The following SCAPER variants were observed in gnomAD, a reference collection of about 807,000 sequenced individuals.
SCAPER encodes S phase cyclin A-associated protein in the endoplasmic reticulum.
SCAPER carries 98 observed loss-of-function variants against 182.2 expected under a neutral mutation model. The ratio of observed to expected loss-of-function variants is 0.54; its 90% CI spans 0.46 to 0.64. The LOEUF (loss-of-function observed/expected upper bound fraction) is 0.64. Among genes scored for constraint, SCAPER ranks in the 30% least tolerant of loss-of-function variants. The pLI is 0.00. For missense variants in SCAPER, 1,432 were observed against 1,690.0 expected (o/e 0.85, Z 2.68); for synonymous variants, 605 against 564.6 (o/e 1.07, Z -1.01).
intron 23 of SCAPER, among the ~76,000 whole-genome samples, chr15:76,548,193 A>C (rs1036639756): frequency 2.6e-5 from 4 of 152,198 alleles, no homozygotes; most frequent in Non-Finnish European, 4.4e-5. Flanking sequence ...GCTGAAGCAA[A>C]TTAACCTGAT....
rs2049396267 is a variant in SCAPER at position 76,595,116 on chromosome 15, TA to T, written c.2712-20833del. ...AGCAAAGACAAAAATAGGCACAAAA[TA>T]AAGGGATGGAGGAAGATCCATGAAG... On this transcript the variant is annotated intron_variant, in intron 22 of 31. Coordinates refer to ENST00000563290, the MANE Select transcript of SCAPER (RefSeq NM_020843.4). 1.7e-5 allele frequency among the ~76,000 whole-genome samples: 2 copies of T among 119,516 alleles called. 1 individual carries two copies. The highest frequency in any genetic ancestry group is 4.1e-5 in the Non-Finnish European group (2 of 49,300). 78.4% of individuals were successfully genotyped at this position (119,516 alleles called of 152,430 possible).
intron 2 of SCAPER, among the ~76,000 whole-genome samples, chr15:76,880,099 T>A (rs1298845810): frequency 1.3e-5 from 2 of 152,214 alleles, no homozygotes; most frequent in African/African-American, 4.8e-5. Context: ...AAGCACAAAT[T>A]CTTTTTGGTT....
chr15:76,377,360 T>C (rs1189438466), intron 28 of SCAPER, among the ~76,000 whole-genome samples: 1 of 150,870 alleles, frequency 6.6e-6, no homozygotes, highest in Non-Finnish European at 1.5e-5. Flanking sequence ...TTTGCTCCTT[T>C]AAATCAAGCA....
At chr15:76,388,925 C>T (rs2043467260) in intron 27 of SCAPER, among the ~76,000 whole-genome samples, 1 of 151,186 alleles carries the variant, frequency 6.6e-6, no homozygotes, top group Admixed American at 6.6e-5. Context: ...CACGACACTG[C>T]ACTCTAGCCT....
intron 29 of SCAPER, among the ~76,000 whole-genome samples, chr15:76,359,264 G>A (rs2041229710): frequency 6.6e-6 from 1 of 152,072 alleles, no homozygotes; most frequent in African/African-American, 2.4e-5. Flanking sequence ...ACAGGGTCTG[G>A]CAGAGGCAGG....
chr15:76,633,282 TG>T (rs1466403884), intron 21 of SCAPER, among the ~76,000 whole-genome samples: 1 of 152,188 alleles, frequency 6.6e-6, no homozygotes, highest in African/African-American at 2.4e-5. Context: ...ACAACAAAGA[TG>T]GCAGCCTGCT....
Position 76,423,901 on chromosome 15 carries a change from T to C in SCAPER, c.3311+10177A>G, listed in dbSNP as rs545010827. On this transcript the variant is annotated intron_variant, in intron 26 of 31. Coordinates refer to ENST00000563290, the MANE Select transcript of SCAPER (RefSeq NM_020843.4). ...TACCCAGTAGTCATTCAGGAGCAGG[T>C]TGTTCAGTTTCTGTGTAGTTGAGCG... Among the ~76,000 whole-genome samples, 4 of 152,340 alleles carry C rather than the reference T, an allele frequency of 2.6e-5. No homozygotes were observed. In the South Asian group the frequency reaches 8.3e-4, roughly 32 times the overall value.
intron 22 of SCAPER, among the ~76,000 whole-genome samples, chr15:76,607,047 G>C (rs1339275081): frequency 6.6e-6 from 1 of 152,172 alleles, no homozygotes. Context: ...GTGTGAATTT[G>C]ATCCTGTCAT....
intron 1 of SCAPER, among the ~76,000 whole-genome samples, chr15:76,899,518 C>A (rs1694460571): frequency 6.6e-6 from 1 of 152,242 alleles, no homozygotes. Flanking sequence ...ACTACAACCT[C>A]CACCTCCCAG....
chr15:76,509,322 C>A (rs1371887607), intron 23 of SCAPER, among the ~76,000 whole-genome samples: 1 of 152,122 alleles, frequency 6.6e-6, no homozygotes, highest in African/African-American at 2.4e-5. Context: ...TTCTGTTACA[C>A]TTCTTGCCTC....
At chr15:76,488,482 T>C (rs1468021111) in intron 24 of SCAPER, among the ~76,000 whole-genome samples, 1 of 152,150 alleles carries the variant, frequency 6.6e-6, no homozygotes, top group South Asian at 2.1e-4. Flanking sequence ...GTCACTAAAC[T>C]AGTAACATGG....
At chr15:76,535,120 G>A (rs751409073) in intron 23 of SCAPER, among the ~76,000 whole-genome samples, 1 of 151,968 alleles carries the variant, frequency 6.6e-6, no homozygotes, top group South Asian at 2.1e-4. Flanking sequence ...ACACTCAGTG[G>A]GTCTATAGAA....
chr15:76,357,410 A>G (rs1367658835), intron 29 of SCAPER, among the ~76,000 whole-genome samples: 3 of 152,230 alleles, frequency 2.0e-5, no homozygotes, highest in Admixed American at 6.5e-5. Context: ...ACAATGAGAT[A>G]CCATCTTACA....
At chr15:76,820,036 G>A (rs1000214412) in intron 5 of SCAPER, among the ~76,000 whole-genome samples, 2 of 152,150 alleles carry the variant, frequency 1.3e-5, no homozygotes, top group African/African-American at 4.8e-5. Context: ...AAACCACAAT[G>A]AGATACCATC....
At chr15:76,724,380 C>T (rs961886909) in intron 17 of SCAPER, among the ~76,000 whole-genome samples, 30 of 152,026 alleles carry the variant, frequency 2.0e-4, no homozygotes, top group South Asian at 4.1e-4. Flanking sequence ...ATTTCAACTT[C>T]GGTGAATCTG....
chr15:76,875,550 T>C (rs1239414518), intron 2 of SCAPER, among the ~76,000 whole-genome samples: 2 of 152,066 alleles, frequency 1.3e-5, no homozygotes, highest in Non-Finnish European at 2.9e-5. Context: ...GGCTGAGGCA[T>C]GAGAATCACT....
At chr15:76,637,522 C>CA (rs1204439239) in intron 21 of SCAPER, among the ~76,000 whole-genome samples, 3 of 147,564 alleles carry the variant, frequency 2.0e-5, no homozygotes, top group Admixed American at 6.7e-5. Flanking sequence ...AACAGTGAGA[C>CA]CCCCCCATCT....
intron 26 of SCAPER, among the ~76,000 whole-genome samples, chr15:76,420,640 C>CT (rs2045965165): frequency 6.6e-6 from 1 of 152,116 alleles, no homozygotes; most frequent in African/African-American, 2.4e-5. Flanking sequence ...TAAAATTATA[C>CT]TTTAAGTTCT....
At chr15:76,407,003 G>C (rs2044895321) in intron 26 of SCAPER, among the ~76,000 whole-genome samples, 1 of 152,272 alleles carries the variant, frequency 6.6e-6, no homozygotes, top group Middle Eastern at 3.4e-3. Context: ...TGTAACTCTG[G>C]GGGTGCTGGT....
Sources: gnomAD v4.1 joint callset for allele counts (sites outside exome capture counted in the v4.1 genomes callset) on GRCh38, gnomAD v4.1.1 for gene constraint, MANE v1.5 for transcripts, NCBI Gene and HGNC (gene_info 2026-07-23, HGNC 2026-07-21) for gene names.